The following CTIF variants were observed in gnomAD, a reference collection of about 807,000 sequenced individuals.
The protein encoded by CTIF is CBP80/20-dependent translation initiation factor.
A neutral mutation model predicts 66.0 loss-of-function variants in CTIF; 21 were observed. That is an observed-to-expected ratio of 0.32 (90% CI 0.23 to 0.46). CTIF has a LOEUF of 0.46. Ranked by LOEUF, CTIF falls within the 20% of genes least tolerant of loss-of-function variation. CTIF has a pLI of 1.00. For synonymous variants in CTIF, 345 were observed against 326.4 expected, an observed-to-expected ratio of 1.06 and a Z score of -0.62; for missense variants, 739 against 812.7, an observed-to-expected ratio of 0.91 and a Z score of 1.10.
At chr18:48,755,536 C>T (rs570938388) in intron 7 of CTIF, among the ~76,000 whole-genome samples, 1 of 152,344 alleles carries the variant, frequency 6.6e-6, no homozygotes, top group South Asian at 2.1e-4. Flanking sequence ...TCTCCAGGTG[C>T]TGGTGCTGAT....
chr18:48,593,913 T>C (rs933184786), intron 1 of CTIF, among the ~76,000 whole-genome samples: 2 of 152,148 alleles, frequency 1.3e-5, no homozygotes, highest in Non-Finnish European at 2.9e-5. Context: ...TCCTTTTCTT[T>C]CAGAATATCT....
Position 48,625,141 on chromosome 18 carries a change from A to G in CTIF, c.180+5396A>G, listed in dbSNP as rs546694737. ...CCTTTTTCTAAAATCCCATCTCTTCATTTCCTTCTGCCCTTAAATTCATTT... is the reference window on the plus strand; with the variant it reads ...CCTTTTTCTAAAATCCCATCTCTTCGTTTCCTTCTGCCCTTAAATTCATTT... On this transcript the variant is annotated intron_variant, in intron 2 of 11. Coordinates refer to ENST00000256413, the MANE Select transcript of CTIF (RefSeq NM_014772.3). The G allele has an allele frequency of 5.0e-5, 43 of 855,400 alleles. No individual in the cohort carries two copies. In the South Asian group the frequency reaches 1.9e-3, roughly 38 times the overall value. The allele number at this position is 855,400 out of a possible 1,614,324, so 53.0% of individuals were successfully genotyped here.
intron 1 of CTIF, among the ~76,000 whole-genome samples, chr18:48,563,224 T>TCCGACACCCAG (rs2089202617): frequency 1.3e-5 from 2 of 151,894 alleles, no homozygotes; most frequent in East Asian, 1.9e-4. Context: ...ACACCCAGCC[T>TCCGACACCCAG]CCTCCACCCT....
intron 10 of CTIF, among the ~76,000 whole-genome samples, chr18:48,832,120 TG>T (rs892218919): frequency 1.3e-5 from 2 of 151,266 alleles, no homozygotes; most frequent in African/African-American, 4.9e-5. Flanking sequence ...AGTGTGCGTG[TG>T]GGGGCTGCCT....
At chr18:48,840,687 T>G (rs2068919583) in intron 10 of CTIF, among the ~76,000 whole-genome samples, 1 of 152,178 alleles carries the variant, frequency 6.6e-6, no homozygotes, top group African/African-American at 2.4e-5. Flanking sequence ...AATTATGCCC[T>G]TAGCACAGCC....
At chr18:48,700,397 CCT>C (rs1204378119) in intron 6 of CTIF, among the ~76,000 whole-genome samples, 1 of 152,214 alleles carries the variant, frequency 6.6e-6, no homozygotes, top group Non-Finnish European at 1.5e-5. Context: ...ATGCCTGTGG[CCT>C]CTCCAGCCAG....
At chr18:48,617,985 A>C (rs11665629) in intron 1 of CTIF, among the ~76,000 whole-genome samples, 16,400 of 152,266 alleles carry the variant, frequency 0.11, 926 homozygotes, top group Middle Eastern at 0.17. Context: ...GGGAAAGCAG[A>C]GGAAGATGTG....
At chr18:48,654,802 G>A (rs749275758) in intron 3 of CTIF, among the ~76,000 whole-genome samples, 5 of 152,092 alleles carry the variant, frequency 3.3e-5, no homozygotes, top group Non-Finnish European at 7.4e-5. Context: ...CCATAAAAAA[G>A]GATGAGTTCA....
intron 1 of CTIF, among the ~76,000 whole-genome samples, chr18:48,602,615 G>T (rs2090110221): frequency 1.3e-5 from 2 of 152,218 alleles, no homozygotes. Context: ...GGAGCAAGCA[G>T]ATCAAAAATA....
At chr18:48,689,280 C>A (rs1339963005) in intron 6 of CTIF, among the ~76,000 whole-genome samples, 1 of 152,210 alleles carries the variant, frequency 6.6e-6, no homozygotes, top group Non-Finnish European at 1.5e-5. Context: ...AGAGGTGCCC[C>A]TTCCTCAGCA....
In CTIF at chr18:48,757,900, T is replaced by C; in HGVS notation, c.585-19T>C. The C allele has an allele frequency of 1.2e-6, 2 of 1,601,970 alleles. No individual in the cohort carries two copies. The highest frequency in any genetic ancestry group is 1.7e-6 in the Non-Finnish European group (2 of 1,172,836). On this transcript the variant is annotated intron_variant, in intron 7 of 11. Transcript: ENST00000256413. Reference sequence around the variant, plus strand: ...CCGCCCAGTGATCGCCTTCTCTGTCTTTCCTCTTCCGTTTGCAGGCGGCAG... The same window carrying C: ...CCGCCCAGTGATCGCCTTCTCTGTCCTTCCTCTTCCGTTTGCAGGCGGCAG...
chr18:48,631,342 T>A (rs1386698840), intron 2 of CTIF, among the ~76,000 whole-genome samples: 1 of 152,214 alleles, frequency 6.6e-6, no homozygotes, highest in African/African-American at 2.4e-5. Context: ...GGAGAACGCC[T>A]GTAGTCCCAG....
At chr18:48,701,404 A>T (rs2092082357) in intron 6 of CTIF, among the ~76,000 whole-genome samples, 1 of 152,186 alleles carries the variant, frequency 6.6e-6, no homozygotes, top group African/African-American at 2.4e-5. Context: ...AGCAGCATGA[A>T]CACCATGAGC....
intron 7 of CTIF, among the ~76,000 whole-genome samples, chr18:48,752,505 G>T (rs1396707705): frequency 6.6e-6 from 1 of 152,244 alleles, no homozygotes; most frequent in African/African-American, 2.4e-5. Flanking sequence ...CTGAGTTCCA[G>T]TGAGGGCTTT....
At chr18:48,595,476 G>T (rs139784251) in intron 1 of CTIF, among the ~76,000 whole-genome samples, 1 of 152,066 alleles carries the variant, frequency 6.6e-6, no homozygotes, top group Non-Finnish European at 1.5e-5. Context: ...ACCCAGGCTG[G>T]AGTGCAGTGG....
intron 9 of CTIF, among the ~76,000 whole-genome samples, chr18:48,813,877 G>A (rs1042676718): frequency 1.3e-5 from 2 of 152,166 alleles, no homozygotes; most frequent in East Asian, 1.9e-4. Context: ...GCACTGCCCC[G>A]AATCTCCAAG....
At chr18:48,788,847 G>C (rs2067732816) in intron 9 of CTIF, among the ~76,000 whole-genome samples, 1 of 152,186 alleles carries the variant, frequency 6.6e-6, no homozygotes, top group Admixed American at 6.5e-5. Context: ...CAGAGGTGTA[G>C]GTAGGCCAAC....
At chr18:48,811,845 G>T (rs8093350) in intron 9 of CTIF, among the ~76,000 whole-genome samples, 5 of 152,004 alleles carry the variant, frequency 3.3e-5, no homozygotes, top group African/African-American at 1.2e-4. Context: ...CCTCTTGTCA[G>T]TAATGCTACA....
intron 6 of CTIF, among the ~76,000 whole-genome samples, chr18:48,705,264 CA>C (rs1439594429): frequency 2.6e-5 from 4 of 152,162 alleles, no homozygotes; most frequent in Non-Finnish European, 4.4e-5. Context: ...CACTTCTTCC[CA>C]GCTTCCCGTG....
Sources: allele counts gnomAD v4.1 joint callset (sites outside exome capture counted in the v4.1 genomes callset), GRCh38; gene constraint gnomAD v4.1.1; transcripts MANE v1.5; gene names NCBI Gene and HGNC (gene_info 2026-07-23, HGNC 2026-07-21).